Variants in PHEX observed in about 807,000 individuals in gnomAD.
PHEX encodes phosphate regulating endopeptidase X-linked.
A neutral mutation model predicts 68.0 loss-of-function variants in PHEX; 16 were observed. That is an observed-to-expected ratio of 0.24 (90% CI 0.16 to 0.36). The LOEUF (loss-of-function observed/expected upper bound fraction) is 0.36. Ranked by LOEUF, PHEX falls within the 10% of genes least tolerant of loss-of-function variation. The probability of loss-of-function intolerance (pLI) is 1.00; values close to 1 mark genes in which losing one functional copy is unlikely to be tolerated. For synonymous variants in PHEX, 208 were observed against 205.1 expected (o/e 1.01, Z -0.12); for missense variants, 480 against 575.5 (o/e 0.83, Z 1.70).
At position 22,163,631 on chromosome X, in the gene PHEX, A is replaced by G. The variant is rs752461076; in HGVS notation, c.1405-4681A>G. Among the ~76,000 whole-genome samples the G allele has an allele frequency of 2.8e-4, 31 of 111,383 alleles. 1 individual carries two copies. The South Asian group carries it at 0.011, about 38-fold the overall frequency. ...ATCAGCCACAAACAGCCTAGGAAAT[A>G]TTTCTTGCAGGATATAATATGCAAT... On this transcript the variant is annotated intron_variant, in intron 12 of 21. Coordinates refer to ENST00000379374, the MANE Select transcript of PHEX (RefSeq NM_000444.6).
intron 9 of PHEX, among the ~76,000 whole-genome samples, chrX:22,105,069 G>A (rs747855830): frequency 6.2e-5 from 7 of 112,021 alleles, no homozygotes; most frequent in Non-Finnish European, 1.3e-4. Context: ...ACCTCTCCTG[G>A]GGGCCAGCTC....
At chrX:22,231,979 C>T (rs903232050) in intron 20 of PHEX, among the ~76,000 whole-genome samples, 1 of 111,787 alleles carries the variant, frequency 8.9e-6, no homozygotes, top group African/African-American at 3.3e-5. Context: ...TCTTTGTTCT[C>T]ACTGGTTTCA....
chrX:22,233,329 G>T (rs998962755), intron 20 of PHEX, among the ~76,000 whole-genome samples: 1 of 111,277 alleles, frequency 9.0e-6, no homozygotes, highest in Non-Finnish European at 1.9e-5. Flanking sequence ...GGTGTTTTCT[G>T]TATTTCCTGA....
chrX:22,068,382 A>G (rs1928711516), intron 3 of PHEX, among the ~76,000 whole-genome samples: 1 of 111,950 alleles, frequency 8.9e-6, no homozygotes, highest in South Asian at 3.7e-4. Flanking sequence ...AGAAGTTATG[A>G]TGTAACCAGG....
At position 22,183,079 on chromosome X, in the gene PHEX, T is replaced by C. The variant is rs527448549; in HGVS notation, c.1586+4703T>C. Reference sequence around the variant, plus strand: ...CAAGCCTGGCTTCCATGGATTACAATTTTTTTTTTCATGGCCCACTTTTTA... The same window carrying C: ...CAAGCCTGGCTTCCATGGATTACAACTTTTTTTTTCATGGCCCACTTTTTA... On this transcript the variant is annotated intron_variant, in intron 14 of 21. Coordinates refer to ENST00000379374, the MANE Select transcript of PHEX (RefSeq NM_000444.6). Among the ~76,000 whole-genome samples, 4 of 109,052 alleles carry C rather than the reference T, an allele frequency of 3.7e-5. No homozygotes were observed. The South Asian group carries it at 1.6e-3, about 43-fold the overall frequency. The allele number at this position is 109,052 out of a possible 115,157, so 94.7% of individuals were successfully genotyped here.
intron 5 of PHEX, among the ~76,000 whole-genome samples, chrX:22,084,498 T>C (rs1024985911): frequency 9.1e-6 from 1 of 110,267 alleles, no homozygotes; most frequent in Admixed American, 9.7e-5. Flanking sequence ...GGGGTAATGC[T>C]GGACTCATAG....
intron 3 of PHEX, among the ~76,000 whole-genome samples, chrX:22,062,277 T>C (rs368370032): frequency 1.4e-4 from 16 of 111,405 alleles, no homozygotes; most frequent in African/African-American, 4.9e-4. Flanking sequence ...TTCACACAAT[T>C]AGAGACCTAT....
At chrX:22,124,118 A>T (rs776467422) in intron 11 of PHEX, among the ~76,000 whole-genome samples, 1 of 111,448 alleles carries the variant, frequency 9.0e-6, no homozygotes, top group Non-Finnish European at 1.9e-5. Context: ...GGCATGAGCC[A>T]CCATGCCCGG....
intron 3 of PHEX, among the ~76,000 whole-genome samples, chrX:22,064,036 T>C (rs757402191): frequency 1.4e-3 from 163 of 112,996 alleles, no homozygotes; most frequent in African/African-American, 5.1e-3. Context: ...TTGTTTCACA[T>C]GAGCTAAGAA....
intron 16 of PHEX, among the ~76,000 whole-genome samples, chrX:22,216,410 A>G (rs1935087128): frequency 8.9e-6 from 1 of 112,140 alleles, no homozygotes; most frequent in South Asian, 3.7e-4. Context: ...TTGGAAGACT[A>G]GATCTTCAGT....
intron 3 of PHEX, among the ~76,000 whole-genome samples, chrX:22,064,040 C>T (rs772335774): frequency 2.7e-5 from 3 of 112,634 alleles, no homozygotes; most frequent in Non-Finnish European, 5.6e-5. Flanking sequence ...TTCACATGAG[C>T]TAAGAAAGAG....
intron 20 of PHEX, among the ~76,000 whole-genome samples, chrX:22,238,456 C>A (rs1017422478): frequency 1.8e-5 from 2 of 110,633 alleles, no homozygotes; most frequent in African/African-American, 3.3e-5. Context: ...CAGGAGATTC[C>A]TTACAGTACC....
intron 6 of PHEX, 70 bp from the exon 7 acceptor site, chrX:22,093,913 C>A: frequency 1.5e-6 from 1 of 664,218 alleles, no homozygotes; most frequent in Non-Finnish European, 2.5e-6. Context: ...ATTTTCTGCT[C>A]TTCCATGTCT....
At chrX:22,149,527 G>T (rs1932799735) in intron 12 of PHEX, among the ~76,000 whole-genome samples, 1 of 112,753 alleles carries the variant, frequency 8.9e-6, no homozygotes. Context: ...GCCAAGGCGG[G>T]TGGATCACTT....
chrX:22,036,505 A>C (rs189214014), intron 1 of PHEX, among the ~76,000 whole-genome samples: 158 of 111,715 alleles, frequency 1.4e-3, no homozygotes, highest in African/African-American at 4.6e-3. Flanking sequence ...TTTGTTTTTT[A>C]AAATAAGGCT....
chrX:22,222,912 C>T (rs762834215), intron 18 of PHEX, among the ~76,000 whole-genome samples: 2 of 111,826 alleles, frequency 1.8e-5, no homozygotes, highest in East Asian at 5.7e-4. Context: ...CTGTACGACT[C>T]CAAAGTCCAT....
rs1381768046 is a variant in PHEX at position 22,032,783 on chromosome X, C to T, written c.-223C>T. On this transcript the variant is annotated 5_prime_UTR_variant, in exon 1 of 22. Coordinates refer to ENST00000379374, the MANE Select transcript of PHEX (RefSeq NM_000444.6). ...AGCAACACTGTTTGTTTTGTCTAGT[C>T]AGGGGGAAAGCCAAGGCAACCAATA... is the stretch of plus-strand genomic sequence containing the variant. The T allele has an allele frequency of 7.2e-6, 3 of 414,157 alleles. No individual in the cohort carries two copies. Among genetic ancestry groups the T allele is most frequent in the African/African-American group, 5.0e-5 (2 of 40,009 alleles). 34.1% of individuals were successfully genotyped at this position (414,157 alleles called of 1,213,427 possible).
chrX:22,111,754 G>A (rs780049941), intron 10 of PHEX, among the ~76,000 whole-genome samples, 194 bp downstream of exon 10: 25 of 111,618 alleles, frequency 2.2e-4, no homozygotes, highest in African/African-American at 7.8e-4. Flanking sequence ...ATATGGTAAG[G>A]TACACTCAAG....
chrX:22,132,484 A>C (rs1932051681), intron 11 of PHEX, among the ~76,000 whole-genome samples: 2 of 111,645 alleles, frequency 1.8e-5, no homozygotes, highest in African/African-American at 6.5e-5. Context: ...TAGGAAGATG[A>C]TATAGAAGAG....
Sources: allele counts gnomAD v4.1 joint callset (sites outside exome capture counted in the v4.1 genomes callset), GRCh38; gene constraint gnomAD v4.1.1; transcripts MANE v1.5; gene names NCBI Gene and HGNC (gene_info 2026-07-23, HGNC 2026-07-21).